The following KALRN variants were observed in gnomAD, a reference collection of about 807,000 sequenced individuals.
The protein encoded by KALRN is kalirin RhoGEF kinase.
KALRN carries 70 observed loss-of-function variants against 353.7 expected under a neutral mutation model. That is an observed-to-expected ratio of 0.20 (90% CI 0.16 to 0.24). The LOEUF (loss-of-function observed/expected upper bound fraction) is 0.24, where lower values mean the gene tolerates loss of function less well. KALRN is among the 10% of genes least tolerant of loss of function. KALRN has a pLI of 1.00. For synonymous variants in KALRN, 1,391 were observed against 1,434.8 expected (o/e 0.97, Z 0.69); for missense variants, 2,791 against 3,756.7 (o/e 0.74, Z 6.72).
intron 10 of KALRN, among the ~76,000 whole-genome samples, chr3:124,368,307 G>A (rs1262113569): frequency 1.4e-5 from 2 of 147,874 alleles, no homozygotes; most frequent in African/African-American, 2.6e-5. Flanking sequence ...TTCCCAGATG[G>A]GGTGGCTGCC....
chr3:124,265,496 T>G (rs2073417652), intron 4 of KALRN, among the ~76,000 whole-genome samples: 1 of 151,586 alleles, frequency 6.6e-6, no homozygotes, highest in South Asian at 2.1e-4. Flanking sequence ...TTTCATCATG[T>G]TGGCCTGGCT....
intron 2 of KALRN, among the ~76,000 whole-genome samples, chr3:124,232,021 T>C (rs1446413062): frequency 1.3e-5 from 2 of 152,198 alleles, no homozygotes; most frequent in African/African-American, 4.8e-5. Context: ...TTTAGTCCCT[T>C]ACTTTGACCT....
At chr3:124,620,247 C>T (rs907007434) in intron 34 of KALRN, among the ~76,000 whole-genome samples, 8 of 152,144 alleles carry the variant, frequency 5.3e-5, no homozygotes, top group East Asian at 1.9e-4. Context: ...ACAACAGGAG[C>T]GCACCACCAC....
rs753293932 is a variant in KALRN, at chr3:124,674,402, C to T, written c.6981C>T (p.Ala2327=). 1.7e-5 allele frequency: 27 copies of T among 1,613,526 alleles called. No homozygotes were observed. The highest frequency in any genetic ancestry group is 1.1e-4 in the East Asian group (5 of 44,864). The part of the protein sequence containing the change: ...LGGCNGTSSM[A]VIKDYYALKE... ...GCTGCAATGGGACCTCGTCCATGGC[C>T]GTGATCAAAGATTACTATGCACTGA... is the stretch of plus-strand genomic sequence containing the variant. Residue 2327 remains alanine (A), a synonymous_variant, in exon 49 of 60, where the codon GCC becomes GCT. Coordinates refer to ENST00000682506, the MANE Select transcript of KALRN (RefSeq NM_001388419.1).
chr3:124,595,880 T>G (rs2149401416), intron 34 of KALRN, among the ~76,000 whole-genome samples: 1 of 152,288 alleles, frequency 6.6e-6, no homozygotes, highest in Middle Eastern at 3.4e-3. Flanking sequence ...TCATAGGATA[T>G]AGACTGATAT....
intron 1 of KALRN, among the ~76,000 whole-genome samples, chr3:124,224,884 T>C (rs936472935): frequency 1.3e-5 from 2 of 152,240 alleles, no homozygotes; most frequent in Admixed American, 1.3e-4. Context: ...GGAGGGCATC[T>C]ACTCAGATTG....
At chr3:124,521,362 A>G (rs1424455889) in intron 33 of KALRN, among the ~76,000 whole-genome samples, 2 of 152,224 alleles carry the variant, frequency 1.3e-5, no homozygotes, top group African/African-American at 4.8e-5. Context: ...AATACAACTG[A>G]AAAGGACCTT....
At chr3:124,251,200 A>T (rs141620030) in intron 3 of KALRN, among the ~76,000 whole-genome samples, 1 of 152,020 alleles carries the variant, frequency 6.6e-6, no homozygotes, top group Non-Finnish European at 1.5e-5. Context: ...CAGCTGCCTC[A>T]TGCTGGTCCC....
At chr3:124,478,152 G>GA (rs2061604520) in intron 27 of KALRN, among the ~76,000 whole-genome samples, 1 of 152,196 alleles carries the variant, frequency 6.6e-6, no homozygotes, top group South Asian at 2.1e-4. Flanking sequence ...AGGGAAAGAT[G>GA]AAATTGGGGA....
intron 1 of KALRN, among the ~76,000 whole-genome samples, chr3:124,045,792 T>C (rs1297785463): frequency 6.7e-6 from 1 of 148,640 alleles, no homozygotes; most frequent in African/African-American, 2.5e-5. Flanking sequence ...GTGATTGCAG[T>C]GTAGTATAAG....
At chr3:124,095,554 T>G (rs1048629147) in intron 1 of KALRN, among the ~76,000 whole-genome samples, 1 of 152,228 alleles carries the variant, frequency 6.6e-6, no homozygotes, top group African/African-American at 2.4e-5. Context: ...GATAGCTCCC[T>G]TTTTTGATTA....
intron 34 of KALRN, among the ~76,000 whole-genome samples, chr3:124,617,589 TTAGAC>T (rs1234025295): frequency 6.6e-6 from 1 of 152,038 alleles, no homozygotes; most frequent in African/African-American, 2.4e-5. Context: ...AACTGAAAAA[TTAGAC>T]TAAAGTGAAG....
intron 34 of KALRN, among the ~76,000 whole-genome samples, chr3:124,583,567 G>A (rs1201315005): frequency 6.6e-6 from 1 of 152,222 alleles, no homozygotes; most frequent in African/African-American, 2.4e-5. Context: ...AAGTTTCTCT[G>A]TAGGCATTCA....
At chr3:124,368,327 G>A (rs995589105) in intron 10 of KALRN, among the ~76,000 whole-genome samples, 1 of 145,262 alleles carries the variant, frequency 6.9e-6, no homozygotes, top group Non-Finnish European at 1.5e-5. Flanking sequence ...CGGGCGGAGG[G>A]GCTCCTCATT....
In KALRN at chr3:124,657,543, G is replaced by A. The variant is rs2084221753; in HGVS notation, c.5958G>A (p.Trp1986Ter). The change falls in exon 40 of 60, where the codon TGG becomes TGA. Residue 1986 changes from tryptophan to a stop codon, truncating the protein, a stop_gained. Coordinates refer to ENST00000682506, the MANE Select transcript of KALRN (RefSeq NM_001388419.1). LOFTEE classifies it high-confidence loss of function. Reference sequence around the variant, plus strand: ...GAAATATTCATCAGATTTATGACTGGCATAAGGAGTAAGTGTTAATGCTGC... The same window carrying A: ...GAAATATTCATCAGATTTATGACTGACATAAGGAGTAAGTGTTAATGCTGC... ...VFGNIHQIYDWHKDFFLAELE... is the reference protein window; with the variant it reads ...VFGNIHQIYD The A allele has an allele frequency of 6.2e-7, 1 of 1,612,134 alleles. No individual in the cohort carries two copies. Among genetic ancestry groups the A allele is most frequent in the Non-Finnish European group, 8.5e-7 (1 of 1,178,294 alleles).
chr3:124,298,878 C>G lies in KALRN; in HGVS notation c.1057C>G (p.Gln353Glu). 3 of 1,614,198 alleles carry G rather than the reference C, an allele frequency of 1.9e-6. No homozygotes were observed. The highest frequency in any genetic ancestry group is 2.5e-6 in the Non-Finnish European group (3 of 1,180,016). ...GVSYQYALDL[Q>E]TQHNHFAMNS... ...CAGCTACCAGTACGCCCTTGACCTCCAGACGCAGCACAATCACTTTGCCAT... is the reference window on the plus strand; with the variant it reads ...CAGCTACCAGTACGCCCTTGACCTCGAGACGCAGCACAATCACTTTGCCAT... The change falls in exon 6 of 60, where the codon CAG (glutamine) becomes GAG (glutamate). Residue 353 changes from glutamine to glutamate, a missense_variant. Transcript: ENST00000682506.
At chr3:124,616,399 A>G (rs2078600437) in intron 34 of KALRN, among the ~76,000 whole-genome samples, 1 of 152,192 alleles carries the variant, frequency 6.6e-6, no homozygotes, top group South Asian at 2.1e-4. Context: ...ACTCGGCTAG[A>G]CTGCAACTTA....
chr3:124,261,153 G>A (rs1238605913), intron 3 of KALRN, among the ~76,000 whole-genome samples: 1 of 151,368 alleles, frequency 6.6e-6, no homozygotes, highest in African/African-American at 2.4e-5. Flanking sequence ...GCCTCCCAAA[G>A]TGCTGGGATT....
chr3:124,683,638 G>A (rs1365699608), intron 51 of KALRN, among the ~76,000 whole-genome samples: 1 of 152,216 alleles, frequency 6.6e-6, no homozygotes, highest in Non-Finnish European at 1.5e-5. Context: ...ATCAGAGTGA[G>A]AGGTTGTCAT....
Sources: allele counts gnomAD v4.1 joint callset (sites outside exome capture counted in the v4.1 genomes callset), GRCh38; gene constraint gnomAD v4.1.1; transcripts MANE v1.5; gene names NCBI Gene and HGNC (gene_info 2026-07-23, HGNC 2026-07-21).